TBL1XR1: variants seen among roughly 807,000 people sequenced by gnomAD.
TBL1XR1 encodes F-box-like/WD repeat-containing protein TBL1XR1.
TBL1XR1 carries 5 observed loss-of-function variants against 66.9 expected under a neutral mutation model. The observed-to-expected ratio is 0.07, with a 90% CI of 0.04 to 0.16. The LOEUF (loss-of-function observed/expected upper bound fraction) is 0.16, where lower values mean the gene tolerates loss of function less well. Ranked by LOEUF, TBL1XR1 falls within the 10% of genes least tolerant of loss-of-function variation. The probability of loss-of-function intolerance (pLI) is 1.00; values close to 1 mark genes in which losing one functional copy is unlikely to be tolerated. For missense variants in TBL1XR1, 238 were observed against 623.2 expected (o/e 0.38, Z 6.58); for synonymous variants, 210 against 206.0 (o/e 1.02, Z -0.17).
rs1430828497 is a variant in TBL1XR1 at position 177,049,598 on chromosome 3, A to T, written c.702+399T>A. Among the ~76,000 whole-genome samples, 3 of 152,132 alleles carry T rather than the reference A, an allele frequency of 2.0e-5. No individual in the cohort carries two copies. In the East Asian group the frequency reaches 5.8e-4, roughly 29 times the overall value. ...AACAAGAACATGTTTTTTGCTACAC[A>T]GAATTCTTTTATCCCCTAAGGACTC... On this transcript the variant is annotated intron_variant, in intron 7 of 15. Coordinates refer to ENST00000457928, the MANE Select transcript of TBL1XR1 (RefSeq NM_024665.7).
chr3:177,133,425 A>G (rs1577263701), intron 1 of TBL1XR1, among the ~76,000 whole-genome samples: 1 of 152,208 alleles, frequency 6.6e-6, no homozygotes, highest in East Asian at 1.9e-4. Flanking sequence ...ACATTGCATC[A>G]AAGTTCTGCT....
At chr3:177,106,218 T>C (rs544653373) in intron 1 of TBL1XR1, among the ~76,000 whole-genome samples, 1 of 152,090 alleles carries the variant, frequency 6.6e-6, no homozygotes, top group East Asian at 1.9e-4. Context: ...TGTGACAAAA[T>C]TTTAAGTAGT....
At chr3:177,149,728 G>A (rs901553702) in intron 1 of TBL1XR1, among the ~76,000 whole-genome samples, 1 of 152,046 alleles carries the variant, frequency 6.6e-6, no homozygotes, top group Non-Finnish European at 1.5e-5. Flanking sequence ...GGGCCGGAGG[G>A]GGACACAACG....
chr3:177,068,867 G>A (rs529191505), intron 2 of TBL1XR1, among the ~76,000 whole-genome samples: 5 of 152,136 alleles, frequency 3.3e-5, no homozygotes, highest in Non-Finnish European at 5.9e-5. Context: ...ACATTTTTAA[G>A]AGATCTGGAC....
intron 3 of TBL1XR1, among the ~76,000 whole-genome samples, chr3:177,061,208 T>C (rs1206699664): frequency 1.3e-5 from 2 of 152,200 alleles, no homozygotes. Context: ...AATATCACAA[T>C]GTAAATCCCT....
intron 1 of TBL1XR1, among the ~76,000 whole-genome samples, chr3:177,100,899 A>G (rs1577166972): frequency 3.4e-5 from 5 of 146,648 alleles, no homozygotes; most frequent in Middle Eastern, 3.6e-3. Flanking sequence ...GCTGTTGCCC[A>G]GGCTGGAGTG....
chr3:177,192,708 A>C (rs1454606296), intron 1 of TBL1XR1, among the ~76,000 whole-genome samples: 2 of 152,228 alleles, frequency 1.3e-5, no homozygotes, highest in Non-Finnish European at 2.9e-5. Flanking sequence ...TAATACAAAG[A>C]AACAAACTTC....
chr3:177,130,215 G>A (rs943628060), intron 1 of TBL1XR1, among the ~76,000 whole-genome samples: 6 of 151,620 alleles, frequency 4.0e-5, no homozygotes, highest in Non-Finnish European at 7.4e-5. Context: ...CTTTGACCGT[G>A]AAATTCTACT....
At chr3:177,112,107 A>ATATATAT in intron 1 of TBL1XR1, among the ~76,000 whole-genome samples, 8 of 37,652 alleles carry the variant, frequency 2.1e-4, no homozygotes, top group Non-Finnish European at 2.7e-4. Flanking sequence ...ATATATATAT[A>ATATATAT]TTTTTTTTTT....
intron 7 of TBL1XR1, chr3:177,047,929 A>G (rs748367812): frequency 4.9e-5 from 9 of 183,684 alleles, no homozygotes; most frequent in African/African-American, 7.1e-5. Context: ...GAAGTAAAAA[A>G]GAAAAACTTT....
intron 1 of TBL1XR1, among the ~76,000 whole-genome samples, chr3:177,142,203 AC>A (rs1729715759): frequency 6.6e-6 from 1 of 152,182 alleles, no homozygotes; most frequent in South Asian, 2.1e-4. Context: ...TTCAGGGTGA[AC>A]CAGTGGTGTT....
intron 1 of TBL1XR1, among the ~76,000 whole-genome samples, chr3:177,159,672 G>A (rs1731937429): frequency 6.6e-6 from 1 of 152,142 alleles, no homozygotes; most frequent in Non-Finnish European, 1.5e-5. Context: ...AGTCATCCAA[G>A]TAAATAATTA....
At chr3:177,058,349 A>T (rs1718069669) in intron 3 of TBL1XR1, among the ~76,000 whole-genome samples, 1 of 152,162 alleles carries the variant, frequency 6.6e-6, no homozygotes, top group Non-Finnish European at 1.5e-5. Flanking sequence ...GACACAGGGG[A>T]TCTTTGTTAT....
intron 3 of TBL1XR1, among the ~76,000 whole-genome samples, chr3:177,060,309 C>T (rs1351270274): frequency 6.6e-6 from 1 of 152,224 alleles, no homozygotes; most frequent in Non-Finnish European, 1.5e-5. Context: ...TATGCAACAT[C>T]GGTTATTTTT....
rs188341824 is a variant in TBL1XR1 at position 177,069,406 on chromosome 3, C to A, written c.-45-4384G>T. Among the ~76,000 whole-genome samples, 17 of 152,104 alleles carry A rather than the reference C, an allele frequency of 1.1e-4. 2 individuals carry two copies. In the East Asian group the frequency reaches 2.5e-3, roughly 22 times the overall value. Reference sequence around the variant, plus strand: ...CATGATGTTTATTAAGACTTATCAACCTTTATAAACACCAACATATAAAGA... The same window carrying A: ...CATGATGTTTATTAAGACTTATCAAACTTTATAAACACCAACATATAAAGA... On this transcript the variant is annotated intron_variant, in intron 2 of 15. Transcript: ENST00000457928.
intron 1 of TBL1XR1, among the ~76,000 whole-genome samples, chr3:177,131,001 T>A (rs1728226551): frequency 6.6e-6 from 1 of 152,086 alleles, no homozygotes; most frequent in South Asian, 2.1e-4. Context: ...GTCTCTAAAA[T>A]AAAAAATTTT....
intron 1 of TBL1XR1, among the ~76,000 whole-genome samples, chr3:177,177,202 T>C (rs1734259723): frequency 6.6e-6 from 1 of 152,104 alleles, no homozygotes; most frequent in Non-Finnish European, 1.5e-5. Flanking sequence ...TTCTGACCCA[T>C]GCACTTTGGG....
intron 1 of TBL1XR1, among the ~76,000 whole-genome samples, chr3:177,154,389 G>A (rs1358426788): frequency 1.4e-5 from 2 of 141,126 alleles, no homozygotes; most frequent in Non-Finnish European, 3.2e-5. Context: ...CTGTAATCTA[G>A]AAATTGACAA....
At chr3:177,033,530 A>G (rs968570816) in intron 13 of TBL1XR1, among the ~76,000 whole-genome samples, 4 of 151,936 alleles carry the variant, frequency 2.6e-5, no homozygotes, top group African/African-American at 9.7e-5. Context: ...TTTTCTAAAG[A>G]TACTGAAGAT....
Sources: allele counts gnomAD v4.1 joint callset (sites outside exome capture counted in the v4.1 genomes callset), GRCh38; gene constraint gnomAD v4.1.1; transcripts MANE v1.5; gene names NCBI Gene and HGNC (gene_info 2026-07-23, HGNC 2026-07-21).